The following PPFIBP2 variants were observed in gnomAD, a reference collection of about 807,000 sequenced individuals.
The protein encoded by PPFIBP2 is liprin-beta-2.
Under a neutral mutation model 118.3 loss-of-function variants are expected in PPFIBP2, and 118 were observed. The ratio of observed to expected loss-of-function variants is 1.00; its 90% confidence interval spans 0.86 to 1.16. The LOEUF is 1.16. Among genes scored for constraint, PPFIBP2 ranks in the 50% most tolerant of loss-of-function variants. The pLI is 0.00. For missense variants in PPFIBP2, 1,195 were observed against 1,073.1 expected, an observed-to-expected ratio of 1.11 and a Z score of -1.59; for synonymous variants, 414 against 397.4, an observed-to-expected ratio of 1.04 and a Z score of -0.50.
At position 7,569,853 on chromosome 11, in the gene PPFIBP2, CCTT is replaced by C. The variant is rs530543887; in HGVS notation, c.279+4089_279+4091del. Among the ~76,000 whole-genome samples, 7 of 152,172 alleles carry C rather than the reference CCTT, an allele frequency of 4.6e-5. No individual in the cohort carries two copies. In the South Asian group the frequency reaches 8.3e-4, roughly 18 times the overall value. ...AGTTCTAGAAAAGGGGCAGCCTCCT[CCTT>C]CTCTGTTTACTATGGTGAAATGTAG... On this transcript the variant is annotated intron_variant, in intron 3 of 23. Coordinates refer to ENST00000299492, the MANE Select transcript of PPFIBP2 (RefSeq NM_003621.5).
At position 7,583,598 on chromosome 11, in the gene PPFIBP2, G is replaced by A. The variant is rs542190717; in HGVS notation, c.280-9534G>A. ...AATGCTATTTCTGCAGCCCAGTGCT[G>A]TAAGCTTTTTATGTGTCCAGCTACC... On this transcript the variant is annotated intron_variant, in intron 3 of 23. Coordinates refer to ENST00000299492, the MANE Select transcript of PPFIBP2 (RefSeq NM_003621.5). Among the ~76,000 whole-genome samples, 4 of 152,290 alleles carry A rather than the reference G, an allele frequency of 2.6e-5. No individual in the cohort carries two copies. In the East Asian group the frequency reaches 5.8e-4, roughly 22 times the overall value.
chr11:7,577,108 G>C (rs1301330029), intron 3 of PPFIBP2: 1 of 158,094 alleles, frequency 6.3e-6, no homozygotes, highest in African/African-American at 2.4e-5. Flanking sequence ...ACTCCAGAAG[G>C]GGGAAGCCAG....
At chr11:7,574,153 A>C (rs910202355) in intron 3 of PPFIBP2, 3 of 152,218 alleles carry the variant, frequency 2.0e-5, no homozygotes, top group Non-Finnish European at 4.4e-5. Flanking sequence ...GCTCAGCCTC[A>C]CAGTCTCCTG....
chr11:7,604,349 C>T (rs1273187363), intron 5 of PPFIBP2, among the ~76,000 whole-genome samples: 1 of 152,164 alleles, frequency 6.6e-6, no homozygotes, highest in African/African-American at 2.4e-5. Flanking sequence ...AGGACTATTT[C>T]TGTGCCCTAG....
rs1238701241 is a variant in PPFIBP2 at position 7,593,101 on chromosome 11, A to T, written c.280-31A>T. ...TGGTAAGATGTTTTTCCAACCTTTT[A>T]AGTGTATTCTTTTTTTTCTGTCCTC... On this transcript the variant is annotated intron_variant, in intron 3 of 23. Coordinates refer to ENST00000299492, the MANE Select transcript of PPFIBP2 (RefSeq NM_003621.5). 3 of 1,604,492 alleles carry T rather than the reference A, an allele frequency of 1.9e-6. No homozygotes were observed. In the Admixed American group the frequency reaches 5.2e-5, roughly 28 times the overall value.
At chr11:7,656,671 A>G, downstream of PPFIBP2, 9 of 1,242,190 alleles carry the variant, frequency 7.2e-6, 1 homozygote, top group South Asian at 1.1e-4. Context: ...CAGCTGCCGC[A>G]GGGCAGCCTG....
chr11:7,534,566 T>C (rs1016138858), intron 1 of PPFIBP2, among the ~76,000 whole-genome samples: 1 of 152,060 alleles, frequency 6.6e-6, no homozygotes, highest in Non-Finnish European at 1.5e-5. Flanking sequence ...CCTTGAAGGG[T>C]AAGTTCTGGG....
intron 3 of PPFIBP2, among the ~76,000 whole-genome samples, chr11:7,588,051 C>A (rs113337475): frequency 5.3e-5 from 8 of 152,214 alleles, no homozygotes; most frequent in African/African-American, 1.9e-4. Flanking sequence ...CTGACATATC[C>A]CCTGAAAAAT....
intron 16 of PPFIBP2, chr11:7,641,999 T>C: frequency 2.4e-6 from 1 of 409,142 alleles, no homozygotes; most frequent in Non-Finnish European, 4.4e-6. Flanking sequence ...AAGTACTTGC[T>C]GGCCCAACTG....
At position 7,653,268 on chromosome 11, in the gene PPFIBP2, G is replaced by C; in HGVS notation, c.*50G>C. The stretch of plus-strand genomic sequence containing the variant: ...CACCCTGAGAGCTCACAGTAACACT[G>C]TGTGTGTCACCATATAACTGCACCT... On this transcript the variant is annotated 3_prime_UTR_variant, in exon 24 of 24. Transcript: ENST00000299492. 2 of 1,609,500 alleles carry C rather than the reference G, an allele frequency of 1.2e-6. No homozygotes were observed. The highest frequency in any genetic ancestry group is 2.2e-5 in the East Asian group (1 of 44,860).
chr11:7,613,496 C>A (rs1848300817), intron 6 of PPFIBP2, among the ~76,000 whole-genome samples: 2 of 152,186 alleles, frequency 1.3e-5, no homozygotes, highest in Non-Finnish European at 2.9e-5. Flanking sequence ...TACCTTTTCT[C>A]ATCAGCCTTT....
chr11:7,633,321 TAGGGA>T (rs1484055382), intron 12 of PPFIBP2, among the ~76,000 whole-genome samples: 1 of 152,218 alleles, frequency 6.6e-6, no homozygotes, highest in Non-Finnish European at 1.5e-5. Context: ...CGAAGCTTTC[TAGGGA>T]AGGCCATGTC....
At chr11:7,624,912 C>G (rs1849783159) in intron 7 of PPFIBP2, among the ~76,000 whole-genome samples, 1 of 152,188 alleles carries the variant, frequency 6.6e-6, no homozygotes, top group Non-Finnish European at 1.5e-5. Flanking sequence ...ATGAGAGAAT[C>G]AAGGTTTGTT....
chr11:7,629,583 G>C (rs369131353), intron 10 of PPFIBP2, 49 bp downstream of exon 10: 2 of 1,585,866 alleles, frequency 1.3e-6, no homozygotes, highest in Middle Eastern at 1.7e-4. Context: ...TATTCCATCA[G>C]CTGTGTTAAA....
intron 1 of PPFIBP2, among the ~76,000 whole-genome samples, chr11:7,517,870 A>T (rs1338982447): frequency 3.3e-5 from 5 of 152,240 alleles, no homozygotes; most frequent in Non-Finnish European, 7.3e-5. Context: ...TGGCCTGCTC[A>T]GGAAGGGATG....
intron 15 of PPFIBP2, chr11:7,641,158 A>T: frequency 9.2e-7 from 1 of 1,082,538 alleles, no homozygotes; most frequent in South Asian, 1.3e-5. Context: ...CCAGGGACCC[A>T]CTACTGCCTG....
intron 2 of PPFIBP2, 47 bp downstream of exon 2, chr11:7,549,586 C>A (rs779951089): frequency 6.9e-6 from 10 of 1,449,216 alleles, no homozygotes; most frequent in Non-Finnish European, 9.1e-6. Context: ...CTCCACATTC[C>A]AGGAACTGCT....
intron 1 of PPFIBP2, among the ~76,000 whole-genome samples, chr11:7,522,696 T>A (rs1010243473): frequency 1.3e-5 from 2 of 152,154 alleles, no homozygotes; most frequent in Admixed American, 1.3e-4. Flanking sequence ...AGCACCCAGA[T>A]GGGAAATGTC....
intron 6 of PPFIBP2, among the ~76,000 whole-genome samples, chr11:7,613,222 C>T (rs2135518511): frequency 6.6e-6 from 1 of 152,280 alleles, no homozygotes; most frequent in Non-Finnish European, 1.5e-5. Context: ...AAGAGCATTG[C>T]CACCACAATG....
Sources: allele counts gnomAD v4.1 joint callset (sites outside exome capture counted in the v4.1 genomes callset), GRCh38; gene constraint gnomAD v4.1.1; transcripts MANE v1.5; gene names NCBI Gene and HGNC (gene_info 2026-07-23, HGNC 2026-07-21).